Variants in CCR4 observed in about 807,000 individuals in gnomAD.
The protein encoded by CCR4 is C-C chemokine receptor type 4.
CCR4 carries 9 observed loss-of-function variants against 17.1 expected under a neutral mutation model. The observed-to-expected ratio is 0.53, with a 90% CI of 0.32 to 0.92. The LOEUF is 0.92. Ranked by LOEUF, CCR4 falls within the 40% of genes least tolerant of loss-of-function variation. The pLI, the probability that CCR4 is intolerant of heterozygous loss-of-function variation, is 0.04. For missense variants in CCR4, 385 were observed against 433.9 expected, an observed-to-expected ratio of 0.89 and a Z score of 1.00; for synonymous variants, 217 against 174.3, an observed-to-expected ratio of 1.24 and a Z score of -1.93.
Position 32,953,936 on chromosome 3 carries a change from G to A in CCR4, c.514G>A (p.Gly172Ser), listed in dbSNP as rs1697722832. The change falls in exon 2 of 2, where the codon GGC becomes AGC. Residue 172 changes from glycine to serine, a missense_variant. Gly to Ser is a moderately conservative substitution (Grantham distance 56). Transcript: ENST00000330953. ...AGTGGCTGTGTTCGCCTCCCTTCCT[G>A]GCTTTCTGTTCAGCACTTGTTATAC... ...WSVAVFASLP[G>S]FLFSTCYTER... The A allele has an allele frequency of 1.2e-6, 2 of 1,613,972 alleles. No individual in the cohort carries two copies. Among genetic ancestry groups the A allele is most frequent in the African/African-American group, 1.3e-5 (1 of 74,964 alleles).
rs1162395311 is a variant in CCR4, at chr3:32,954,622, G to C, written c.*117G>C. Reference sequence around the variant, plus strand: ...GTCAGGAGGAAGGCTTACACCCACAGTGGAAAGACAGCTTCTCATCCTGCA... The same window carrying C: ...GTCAGGAGGAAGGCTTACACCCACACTGGAAAGACAGCTTCTCATCCTGCA... On this transcript the variant is annotated 3_prime_UTR_variant, in exon 2 of 2. Coordinates refer to ENST00000330953, the MANE Select transcript of CCR4 (RefSeq NM_005508.5). 4 of 1,133,472 alleles carry C rather than the reference G, an allele frequency of 3.5e-6. No individual in the cohort carries two copies. In the African/African-American group the frequency reaches 6.3e-5, roughly 18 times the overall value. The allele number at this position is 1,133,472 out of a possible 1,614,324, so 70.2% of individuals were successfully genotyped here. A position where few individuals can be genotyped will look rare whatever the true frequency, so the allele number is the denominator to read the frequency against.
Position 32,952,112 on chromosome 3 carries a change from A to C in CCR4, c.-52+422A>C, listed in dbSNP as rs78347380. 5.9e-5 allele frequency among the ~76,000 whole-genome samples: 9 copies of C among 152,280 alleles called. No homozygotes were observed. In the East Asian group the frequency reaches 1.7e-3, roughly 29 times the overall value. Reference sequence around the variant, plus strand: ...GTTTATGCCTTTCATTTTCACTGGTAAAATGGTGGAGAAAGACTAGAATTG... The same window carrying C: ...GTTTATGCCTTTCATTTTCACTGGTCAAATGGTGGAGAAAGACTAGAATTG... On this transcript the variant is annotated intron_variant, in intron 1 of 1. Transcript: ENST00000330953.
Position 32,953,435 on chromosome 3 carries a change from G to C in CCR4, c.13G>C (p.Asp5His). MNPT[D>H]IADTTLDESI... ...GTAGAGTTAAAAAATGAACCCCACG[G>C]ATATAGCAGACACCACCCTCGATGA... Residue 5 changes from aspartate to histidine, a missense_variant, in exon 2 of 2, where the codon GAT becomes CAT. By Grantham distance (81) the Asp-to-His change is moderately conservative (BLOSUM62 -1). Coordinates refer to ENST00000330953, the MANE Select transcript of CCR4 (RefSeq NM_005508.5). 1.2e-6 allele frequency: 2 copies of C among 1,608,392 alleles called. No homozygotes were observed. The highest frequency in any genetic ancestry group is 2.7e-5 in the African/African-American group (2 of 74,930).
At chr3:32,951,885 G>T (rs955642064) in intron 1 of CCR4, among the ~76,000 whole-genome samples, 195 bp downstream of exon 1, 4 of 152,022 alleles carry the variant, frequency 2.6e-5, no homozygotes, top group African/African-American at 9.7e-5. Flanking sequence ...CTCTCTTCCT[G>T]CACACATCTG....
chr3:32,954,397 T>G lies in CCR4; in HGVS notation c.975T>G (p.Leu325=), dbSNP rs779036212. 1.2e-6 allele frequency: 2 copies of G among 1,612,252 alleles called. No individual in the cohort carries two copies. The highest frequency in any genetic ancestry group is 2.2e-5 in the East Asian group (1 of 44,890). Residue 325 remains leucine (L), a synonymous_variant, in exon 2 of 2, where the codon CTT becomes CTG. Transcript: ENST00000330953. ...AGCTCTTCAAAACCTGCAGGGGCCTTTTTGTGCTCTGCCAATACTGTGGGC... is the reference window on the plus strand; with the variant it reads ...AGCTCTTCAAAACCTGCAGGGGCCTGTTTGTGCTCTGCCAATACTGTGGGC... ...ILQLFKTCRG[L]FVLCQYCGLL...
Position 32,955,453 on chromosome 3 carries a change from C to T in CCR4, c.*948C>T, listed in dbSNP as rs754227077. The T allele has an allele frequency of 3.7e-5, 6 of 163,638 alleles. No individual in the cohort carries two copies. Among genetic ancestry groups the T allele is most frequent in the Non-Finnish European group, 7.4e-5 (5 of 67,840 alleles). 10.1% of individuals were successfully genotyped at this position (163,638 alleles called of 1,614,324 possible). A position where few individuals can be genotyped will look rare whatever the true frequency, so the allele number is the denominator to read the frequency against. ...TCAGGAGGCTGAGGCTGGAGAATAA[C>T]TTGAATCCGGGAGGTGGAGGTTGCG... is the stretch of plus-strand genomic sequence containing the variant. On this transcript the variant is annotated 3_prime_UTR_variant, in exon 2 of 2. Coordinates refer to ENST00000330953, the MANE Select transcript of CCR4 (RefSeq NM_005508.5).
intron 1 of CCR4, among the ~76,000 whole-genome samples, chr3:32,952,681 G>C (rs1410147374): frequency 6.6e-6 from 1 of 152,202 alleles, no homozygotes; most frequent in Non-Finnish European, 1.5e-5. Flanking sequence ...AGGAATGTGA[G>C]GGTCCCACAA....
At chr3:32,953,244 A>C in intron 1 of CCR4, 128 bp from the exon 2 acceptor site, 2 of 620,190 alleles carry the variant, frequency 3.2e-6, no homozygotes, top group Non-Finnish European at 5.2e-6. Flanking sequence ...TGAGTAATCG[A>C]GCCCTTCATC....
intron 1 of CCR4, among the ~76,000 whole-genome samples, chr3:32,952,630 C>A (rs533890774): frequency 1.3e-4 from 20 of 151,952 alleles, no homozygotes; most frequent in Non-Finnish European, 2.9e-4. Flanking sequence ...GGGGAGAGAT[C>A]GAATGTGAAT....
rs1473643055 is a variant in CCR4 at position 32,952,226 on chromosome 3, TTC to T, written c.-52+538_-52+539del. On this transcript the variant is annotated intron_variant, in intron 1 of 1. Coordinates refer to ENST00000330953, the MANE Select transcript of CCR4 (RefSeq NM_005508.5). ...ATGAGTAAACCAAAATCTTTTTTCT[TTC>T]TTTTTTTCTTTTTCTTTTCTTTCCT... Among the ~76,000 whole-genome samples the T allele has an allele frequency of 2.2e-4, 33 of 152,234 alleles. No homozygotes were observed. The East Asian group carries it at 6.0e-3, about 28-fold the overall frequency.
rs1355813691 is a variant in CCR4 at position 32,954,235 on chromosome 3, A to G, written c.813A>G (p.Glu271=). ...VLFLETLVEL[E]VLQDCTFERY... ...TCCTAGAGACCCTGGTGGAGCTAGA[A>G]GTCCTTCAGGACTGCACCTTTGAAA... Residue 271 remains glutamate, a synonymous_variant, in exon 2 of 2, where the codon GAA becomes GAG. Transcript: ENST00000330953. 6.2e-7 allele frequency: 1 copy of G among 1,614,114 alleles called. No homozygotes were observed. Among genetic ancestry groups the G allele is most frequent in the Admixed American group, 1.7e-5 (1 of 60,016 alleles).
At chr3:32,951,787 A>T (rs1184748558) in intron 1 of CCR4, 97 bp downstream of exon 1, 1 of 152,552 alleles carries the variant, frequency 6.6e-6, no homozygotes, top group Non-Finnish European at 1.5e-5. Flanking sequence ...TAGGGCTTAC[A>T]CTTGGCACCT....
Position 32,956,028 on chromosome 3 carries a change from T to C in CCR4, c.*1523T>C, listed in dbSNP as rs1695720360. 1 of 158,982 alleles carries C rather than the reference T, an allele frequency of 6.3e-6. No homozygotes were observed. The highest frequency in any genetic ancestry group is 1.5e-5 in the Non-Finnish European group (1 of 68,178). 9.8% of individuals were successfully genotyped at this position (158,982 alleles called of 1,614,324 possible). A position where few individuals can be genotyped will look rare whatever the true frequency, so the allele number is the denominator to read the frequency against. On this transcript the variant is annotated 3_prime_UTR_variant, in exon 2 of 2. Coordinates refer to ENST00000330953, the MANE Select transcript of CCR4 (RefSeq NM_005508.5). ...AAGTCTGCCTCCCAGGTTCAAGCGATTCTCCTGCCTCAGCTTCTCAAGCAG... is the reference window on the plus strand; with the variant it reads ...AAGTCTGCCTCCCAGGTTCAAGCGACTCTCCTGCCTCAGCTTCTCAAGCAG...
At position 32,954,012 on chromosome 3, in the gene CCR4, C is replaced by T. The variant is rs375484117; in HGVS notation, c.590C>T (p.Thr197Met). 8.1e-6 allele frequency: 13 copies of T among 1,614,008 alleles called. No homozygotes were observed. Among genetic ancestry groups the T allele is most frequent in the Non-Finnish European group, 1.0e-5 (12 of 1,180,030 alleles). The change falls in exon 2 of 2, where the codon ACG (threonine) becomes ATG (methionine). Residue 197 changes from threonine (T) to methionine (M), a missense_variant. Thr to Met is a moderately conservative substitution (Grantham distance 81). Transcript: ENST00000330953. The part of the protein sequence containing the change: ...CKTKYSLNST[T>M]WKVLSSLEIN... ...ACCAAGTACTCTCTCAACTCCACGA[C>T]GTGGAAGGTTCTCAGCTCCCTGGAA... is the stretch of plus-strand genomic sequence containing the variant.
chr3:32,954,665 C>T lies in CCR4; in HGVS notation c.*160C>T, dbSNP rs1422679405. On this transcript the variant is annotated 3_prime_UTR_variant, in exon 2 of 2. Transcript: ENST00000330953. ...ATCCTGCAGGCAGCTTTTTCTCTCCCACTAGACAAGTCCAGCCTGGCAAGG... is the reference window on the plus strand; with the variant it reads ...ATCCTGCAGGCAGCTTTTTCTCTCCTACTAGACAAGTCCAGCCTGGCAAGG... 6.6e-6 allele frequency: 5 copies of T among 762,884 alleles called. No homozygotes were observed. The highest frequency in any genetic ancestry group is 9.9e-6 in the Non-Finnish European group (5 of 503,082). The allele number at this position is 762,884 out of a possible 1,614,324, so 47.3% of individuals were successfully genotyped here.
chr3:32,954,483 A>G lies in CCR4; in HGVS notation c.1061A>G (p.His354Arg). The change falls in exon 2 of 2, where the codon CAT (histidine) becomes CGT (arginine). Residue 354 changes from histidine (H) to arginine (R), a missense_variant. Coordinates refer to ENST00000330953, the MANE Select transcript of CCR4 (RefSeq NM_005508.5). Reference protein sequence around the residue: ...SSSYTQSTMDHDLHDAL With the variant: ...SSSYTQSTMDRDLHDAL ...TCTTACACGCAGTCCACCATGGATC[A>G]TGATCTCCATGATGCTCTGTAGAAA... 1 of 1,539,222 alleles carries G rather than the reference A, an allele frequency of 6.5e-7. No homozygotes were observed.
rs1346170061 is a variant in CCR4 at position 32,955,409 on chromosome 3, T to C, written c.*904T>C. 1 of 165,784 alleles carries C rather than the reference T, an allele frequency of 6.0e-6. No individual in the cohort carries two copies. The highest frequency in any genetic ancestry group is 1.5e-5 in the Non-Finnish European group (1 of 67,996). 10.3% of individuals were successfully genotyped at this position (165,784 alleles called of 1,614,324 possible). A position where few individuals can be genotyped will look rare whatever the true frequency, so the allele number is the denominator to read the frequency against. ...AAAATTAGCCAGGTGTGGTGGCGCA[T>C]GCCTGTAATCCCAGCTACTCAGGAG... On this transcript the variant is annotated 3_prime_UTR_variant, in exon 2 of 2. Coordinates refer to ENST00000330953, the MANE Select transcript of CCR4 (RefSeq NM_005508.5).
At chr3:32,953,045 A>G (rs1697695655) in intron 1 of CCR4, among the ~76,000 whole-genome samples, 2 of 152,180 alleles carry the variant, frequency 1.3e-5, no homozygotes, top group South Asian at 2.1e-4. Context: ...AGACTATGAA[A>G]TATCTTTTTG....
chr3:32,954,459 C>A lies in CCR4; in HGVS notation c.1037C>A (p.Ser346Tyr). 6.4e-7 allele frequency: 1 copy of A among 1,571,868 alleles called. No homozygotes were observed. Among genetic ancestry groups the A allele is most frequent in the Non-Finnish European group, 8.6e-7 (1 of 1,163,356 alleles). The change falls in exon 2 of 2, where the codon TCT becomes TAT. Residue 346 changes from serine to tyrosine, a missense_variant. Physicochemically the swap from Ser to Tyr is moderately radical, Grantham distance 144. Transcript: ENST00000330953. The stretch of plus-strand genomic sequence containing the variant: ...TACTCTGCTGACACCCCCAGCTCAT[C>A]TTACACGCAGTCCACCATGGATCAT... ...QIYSADTPSS[S>Y]YTQSTMDHDL...
Sources: allele counts gnomAD v4.1 joint callset (sites outside exome capture counted in the v4.1 genomes callset), GRCh38; gene constraint gnomAD v4.1.1; transcripts MANE v1.5; gene names NCBI Gene and HGNC (gene_info 2026-07-23, HGNC 2026-07-21).